Variants in WASHC2C observed in about 807,000 individuals in gnomAD.
WASHC2C encodes Vaccinia Penetration Factor.
WASHC2C carries 73 observed loss-of-function variants against 142.2 expected under a neutral mutation model. The ratio of observed to expected loss-of-function variants is 0.51; its 90% CI spans 0.43 to 0.62. The LOEUF (loss-of-function observed/expected upper bound fraction) is 0.62, where lower values mean the gene tolerates loss of function less well. Among genes scored for constraint, WASHC2C ranks in the 20% least tolerant of loss-of-function variants. The pLI, the probability that WASHC2C is intolerant of heterozygous loss-of-function variation, is 0.00. For missense variants in WASHC2C, 969 were observed against 1,531.7 expected, an observed-to-expected ratio of 0.63 and a Z score of 6.13; for synonymous variants, 337 against 565.5, an observed-to-expected ratio of 0.60 and a Z score of 5.73.
chr10:45,762,412 T>G (rs1327336120), intron 17 of WASHC2C, among the ~76,000 whole-genome samples: 2 of 151,406 alleles, frequency 1.3e-5, no homozygotes, highest in African/African-American at 2.4e-5. Context: ...TATAGGCTGG[T>G]CTTGAACTCC....
intron 20 of WASHC2C, among the ~76,000 whole-genome samples, chr10:45,772,234 G>A (rs1467525335): frequency 2.0e-5 from 3 of 151,492 alleles, no homozygotes; most frequent in African/African-American, 7.3e-5. Context: ...GCCAGGGCCT[G>A]TGGGGCAGGG....
chr10:45,773,892 CAAAAAAAAAAAA>C (rs71023148), intron 21 of WASHC2C, among the ~76,000 whole-genome samples: 152 of 31,094 alleles, frequency 4.9e-3, no homozygotes, highest in Middle Eastern at 0.029. Context: ...TACTGCAGGC[CAAAAAAAAAAAA>C]AAAAAAAAAA....
chr10:45,739,584 T>C (rs1554866457), intron 4 of WASHC2C, among the ~76,000 whole-genome samples: 1 of 151,854 alleles, frequency 6.6e-6, no homozygotes, highest in Non-Finnish European at 1.5e-5. Flanking sequence ...AGAACAGATT[T>C]ATAAAATAAT....
chr10:45,783,550 C>G (rs2057683944), intron 23 of WASHC2C, among the ~76,000 whole-genome samples: 3 of 152,114 alleles, frequency 2.0e-5, no homozygotes, highest in Admixed American at 2.0e-4. Flanking sequence ...CAGCCTCTGC[C>G]TCCCAGGTTC....
chr10:45,743,888 A>G (rs1297165677), intron 6 of WASHC2C, among the ~76,000 whole-genome samples: 2 of 149,568 alleles, frequency 1.3e-5, no homozygotes, highest in Non-Finnish European at 3.0e-5. Flanking sequence ...AGCTGGGACC[A>G]CAGGCGTGCA....
rs574889823 is a variant in WASHC2C at position 45,749,017 on chromosome 10, C to T, written c.733-1079C>T. On this transcript the variant is annotated intron_variant, in intron 8 of 30. Transcript: ENST00000623400. ...GGATTTGTTATTCTGCGCTTTTTTGCTTGACCTACCTTGGATGGCTCTCTA... is the reference window on the plus strand; with the variant it reads ...GGATTTGTTATTCTGCGCTTTTTTGTTTGACCTACCTTGGATGGCTCTCTA... Among the ~76,000 whole-genome samples, 16 of 152,326 alleles carry T rather than the reference C, an allele frequency of 1.1e-4. No individual in the cohort carries two copies. In the East Asian group the frequency reaches 3.1e-3, roughly 29 times the overall value.
chr10:45,770,113 C>T (rs541383848), intron 20 of WASHC2C, among the ~76,000 whole-genome samples: 8 of 151,578 alleles, frequency 5.3e-5, no homozygotes, highest in South Asian at 4.2e-4. Flanking sequence ...TGGTGGCACG[C>T]GCCTGTAGTC....
chr10:45,751,964 G>A (rs184383604), intron 11 of WASHC2C, among the ~76,000 whole-genome samples: 3 of 152,186 alleles, frequency 2.0e-5, no homozygotes, highest in African/African-American at 4.8e-5. Context: ...GTGATGGTGC[G>A]AGACTCCATC....
At chr10:45,752,233 G>T (rs2053683540) in intron 11 of WASHC2C, among the ~76,000 whole-genome samples, 2 of 152,378 alleles carry the variant, frequency 1.3e-5, no homozygotes, top group South Asian at 4.1e-4. Flanking sequence ...AGATCCCTTT[G>T]TTTATTCTGC....
In WASHC2C at chr10:45,727,425, G is replaced by C. The variant is rs1438391420; in HGVS notation, c.12G>C (p.Arg4=). The part of the protein sequence containing the change: MMN[R]TTPDQELVPA... Reference sequence around the variant, plus strand: ...CGTTTTTTTCGCTGCAGATGAACCGGACGACCCCCGACCAGGAGCTGGTGC... The same window carrying C: ...CGTTTTTTTCGCTGCAGATGAACCGCACGACCCCCGACCAGGAGCTGGTGC... The change falls in exon 2 of 31, where the codon CGG becomes CGC. Residue 4 remains arginine (R), a synonymous_variant. Transcript: ENST00000623400. 1.2e-6 allele frequency: 2 copies of C among 1,611,464 alleles called. No homozygotes were observed. Among genetic ancestry groups the C allele is most frequent in the Non-Finnish European group, 1.7e-6 (2 of 1,179,470 alleles).
At chr10:45,732,008 GGATGGTCTC>G (rs1554862596) in intron 3 of WASHC2C, among the ~76,000 whole-genome samples, 1 of 151,958 alleles carries the variant, frequency 6.6e-6, no homozygotes, top group Non-Finnish European at 1.5e-5. Flanking sequence ...GTGTTAGCCA[GGATGGTCTC>G]GATCTCCTGA....
intron 8 of WASHC2C, 24 bp from the exon 9 acceptor site, chr10:45,750,072 T>C: frequency 6.3e-7 from 1 of 1,581,206 alleles, no homozygotes. Context: ...CTAGTAGTTC[T>C]AATTTGGTAT....
At chr10:45,749,534 A>C (rs1554872968) in intron 8 of WASHC2C, among the ~76,000 whole-genome samples, 1 of 151,140 alleles carries the variant, frequency 6.6e-6, no homozygotes, top group African/African-American at 2.4e-5. Context: ...TATAAAGGAT[A>C]CATTTTTAGG....
intron 18 of WASHC2C, among the ~76,000 whole-genome samples, chr10:45,764,581 A>G (rs2055559433): frequency 6.6e-6 from 1 of 151,042 alleles, no homozygotes; most frequent in Admixed American, 6.6e-5. Flanking sequence ...GGGGAAGAGA[A>G]ATAAGAGAGA....
intron 7 of WASHC2C, among the ~76,000 whole-genome samples, chr10:45,745,933 A>C (rs1589662834): frequency 1.2e-5 from 1 of 81,652 alleles, no homozygotes; most frequent in African/African-American, 5.0e-5. Context: ...CCCCCACCCC[A>C]CCACAGTCCC....
intron 28 of WASHC2C, among the ~76,000 whole-genome samples, chr10:45,787,891 C>T (rs1554890945): frequency 6.6e-6 from 1 of 152,238 alleles, no homozygotes; most frequent in Non-Finnish European, 1.5e-5. Flanking sequence ...CATGGGATCT[C>T]CTCAATGGAC....
In WASHC2C at chr10:45,727,447, G is replaced by A. The variant is rs1240482864; in HGVS notation, c.34G>A (p.Val12Met). The A allele has an allele frequency of 6.2e-7, 1 of 1,611,316 alleles. No homozygotes were observed. The highest frequency in any genetic ancestry group is 1.1e-5 in the South Asian group (1 of 90,944). Residue 12 changes from valine (V) to methionine (M), a missense_variant, in exon 2 of 31, where the codon GTG (valine) becomes ATG (methionine). By Grantham distance (21) the Val-to-Met change is conservative (BLOSUM62 1). Transcript: ENST00000623400. ...CCGGACGACCCCCGACCAGGAGCTG[G>A]TGCCGGCGTCGGAGCCCGTGTGGGA... ...MNRTTPDQEL[V>M]PASEPVWERP...
At chr10:45,738,556 G>A (rs1388957052) in intron 4 of WASHC2C, among the ~76,000 whole-genome samples, 2 of 151,572 alleles carry the variant, frequency 1.3e-5, no homozygotes, top group African/African-American at 4.8e-5. Flanking sequence ...AGAAAATATG[G>A]ATCACCTGTA....
intron 19 of WASHC2C, among the ~76,000 whole-genome samples, 175 bp from the exon 20 acceptor site, chr10:45,769,274 C>T (rs1489339372): frequency 2.0e-5 from 3 of 151,228 alleles, no homozygotes; most frequent in African/African-American, 2.4e-5. Context: ...CCCGCCACCA[C>T]GCCCGGCTAA....
Sources: gnomAD v4.1 joint callset for allele counts (sites outside exome capture counted in the v4.1 genomes callset) on GRCh38, gnomAD v4.1.1 for gene constraint, MANE v1.5 for transcripts, NCBI Gene and HGNC (gene_info 2026-07-23, HGNC 2026-07-21) for gene names.